PLPP1: variants seen among roughly 807,000 people sequenced by gnomAD.
The protein encoded by PLPP1 is phospholipid phosphatase 1.
In PLPP1, 24 loss-of-function variants were observed where a neutral mutation model predicts 31.2. The ratio of observed to expected loss-of-function variants is 0.77; its 90% CI spans 0.56 to 1.08. PLPP1 has a LOEUF of 1.08. PLPP1 is among the 50% of genes least tolerant of loss of function. The probability of loss-of-function intolerance (pLI) is 0.00; values close to 1 mark genes in which losing one functional copy is unlikely to be tolerated. For synonymous variants in PLPP1, 146 were observed against 126.3 expected (o/e 1.16, Z -1.05); for missense variants, 319 against 342.7 (o/e 0.93, Z 0.55).
rs753511556 is a variant in PLPP1, at chr5:55,467,837, G to C, written c.491+32C>G. On this transcript the variant is annotated intron_variant, in intron 3 of 5. Transcript: ENST00000307259. ...AACCTTCTATTCCAAGAATATACAA[G>C]ATTAAACAAGCATTAGCGATTTAAC... 1.9e-6 allele frequency: 3 copies of C among 1,570,462 alleles called. 1 individual carries two copies. In the South Asian group the frequency reaches 3.6e-5, roughly 19 times the overall value.
intron 1 of PLPP1, among the ~76,000 whole-genome samples, chr5:55,520,647 A>T (rs1410179183): frequency 6.6e-6 from 1 of 152,226 alleles, no homozygotes; most frequent in Non-Finnish European, 1.5e-5. Context: ...ATAGTAATAG[A>T]TGGAGCTAGA....
intron 4 of PLPP1, among the ~76,000 whole-genome samples, chr5:55,432,459 AC>A (rs1226911179): frequency 6.6e-6 from 1 of 152,234 alleles, no homozygotes; most frequent in Non-Finnish European, 1.5e-5. Flanking sequence ...TACCATACTT[AC>A]AAAGAAGAAC....
At chr5:55,508,205 A>G (rs953131498) in intron 1 of PLPP1, among the ~76,000 whole-genome samples, 1 of 152,062 alleles carries the variant, frequency 6.6e-6, no homozygotes, top group African/African-American at 2.4e-5. Flanking sequence ...GACCTCCCCA[A>G]AGGGACCCAG....
chr5:55,480,594 G>A (rs1196863959), intron 1 of PLPP1, among the ~76,000 whole-genome samples: 1 of 152,002 alleles, frequency 6.6e-6, no homozygotes, highest in East Asian at 1.9e-4. Context: ...TAATGTTTTC[G>A]AGGTTCATCT....
chr5:55,438,986 C>G (rs1441589008), intron 4 of PLPP1, among the ~76,000 whole-genome samples: 1 of 152,058 alleles, frequency 6.6e-6, no homozygotes. Flanking sequence ...CCTACATCCA[C>G]ATCAAGCAAA....
intron 1 of PLPP1, among the ~76,000 whole-genome samples, chr5:55,522,532 G>C (rs1753692934): frequency 6.6e-6 from 1 of 152,112 alleles, no homozygotes; most frequent in Admixed American, 6.5e-5. Flanking sequence ...AATGTGCTGG[G>C]ATTACAGGTA....
intron 4 of PLPP1, among the ~76,000 whole-genome samples, chr5:55,428,853 T>C (rs230742): frequency 0.86 from 130,876 of 152,226 alleles, 56,657 homozygotes; most frequent in South Asian, 0.92. Flanking sequence ...TTACTTCTCT[T>C]TTAAGAGTAG....
At chr5:55,524,374 G>A (rs950568745) in intron 1 of PLPP1, among the ~76,000 whole-genome samples, 12 of 152,180 alleles carry the variant, frequency 7.9e-5, no homozygotes, top group Non-Finnish European at 1.3e-4. Flanking sequence ...GCCATGGGTC[G>A]GACAAGCTTG....
intron 4 of PLPP1, among the ~76,000 whole-genome samples, chr5:55,436,446 T>A (rs1264403238): frequency 6.6e-6 from 1 of 152,220 alleles, no homozygotes; most frequent in Non-Finnish European, 1.5e-5. Flanking sequence ...AGATGTAACT[T>A]GCTCCTTCTT....
chr5:55,531,838 T>C (rs555135960), intron 1 of PLPP1, among the ~76,000 whole-genome samples: 4 of 152,352 alleles, frequency 2.6e-5, no homozygotes, highest in African/African-American at 7.2e-5. Context: ...CAATGGACAG[T>C]TGATGTTGTT....
chr5:55,489,208 T>C (rs1283054578), intron 1 of PLPP1, among the ~76,000 whole-genome samples: 2 of 151,998 alleles, frequency 1.3e-5, no homozygotes, highest in Non-Finnish European at 2.9e-5. Flanking sequence ...CAAAAATATA[T>C]ATGTGTTATT....
At chr5:55,473,978 G>T (rs927770366) in intron 2 of PLPP1, among the ~76,000 whole-genome samples, 5 of 100,314 alleles carry the variant, frequency 5.0e-5, no homozygotes, top group Non-Finnish European at 1.0e-4. Flanking sequence ...ATATTTTCTG[G>T]TTTTTTTGTT....
chr5:55,435,415 T>A (rs74798218), intron 4 of PLPP1, among the ~76,000 whole-genome samples: 1 of 3,766 alleles, frequency 2.7e-4, no homozygotes, highest in Non-Finnish European at 1.6e-3. Flanking sequence ...GATCACCTGG[T>A]AACAGGGAGA....
intron 1 of PLPP1, among the ~76,000 whole-genome samples, chr5:55,491,516 A>C (rs1396245912): frequency 6.6e-6 from 1 of 152,244 alleles, no homozygotes; most frequent in Non-Finnish European, 1.5e-5. Flanking sequence ...GCAAAATTCC[A>C]TAAATAAATT....
intron 4 of PLPP1, among the ~76,000 whole-genome samples, chr5:55,435,994 A>C (rs1161823671): frequency 7.4e-6 from 1 of 135,918 alleles, no homozygotes; most frequent in African/African-American, 2.8e-5. Flanking sequence ...AGCCTGGGCG[A>C]CAGAGTGAGA....
chr5:55,449,804 T>C (rs1751855156), intron 3 of PLPP1, among the ~76,000 whole-genome samples: 1 of 152,138 alleles, frequency 6.6e-6, no homozygotes, highest in African/African-American at 2.4e-5. Flanking sequence ...TATACTTAAA[T>C]ACTGAATGTT....
chr5:55,495,597 G>A (rs1191770195), intron 1 of PLPP1, among the ~76,000 whole-genome samples: 1 of 152,050 alleles, frequency 6.6e-6, no homozygotes. Flanking sequence ...ATATTATACC[G>A]TCTCCACTAA....
intron 4 of PLPP1, 94 bp from the exon 5 acceptor site, chr5:55,426,133 G>GTATT (rs1751188643): frequency 2.7e-6 from 3 of 1,113,414 alleles, no homozygotes; most frequent in Non-Finnish European, 3.8e-6. Context: ...GATTATCAAA[G>GTATT]TATTATTATA....
intron 1 of PLPP1, among the ~76,000 whole-genome samples, chr5:55,523,027 T>C (rs557291359): frequency 3.2e-4 from 48 of 152,204 alleles, no homozygotes; most frequent in Non-Finnish European, 5.4e-4. Context: ...CCAATAATGA[T>C]TGTTTTTATA....
Sources: allele counts gnomAD v4.1 joint callset (sites outside exome capture counted in the v4.1 genomes callset), GRCh38; gene constraint gnomAD v4.1.1; transcripts MANE v1.5; gene names NCBI Gene and HGNC (gene_info 2026-07-23, HGNC 2026-07-21).